ZNF615: variants seen among roughly 807,000 people sequenced by gnomAD.
The protein encoded by ZNF615 is zinc finger protein 615.
ZNF615 carries 15 observed loss-of-function variants against 15.3 expected under a neutral mutation model. The observed-to-expected ratio is 0.98, with a 90% CI of 0.66 to 1.51. ZNF615 has a LOEUF of 1.51. ZNF615 is among the 40% of genes most tolerant of loss of function. The pLI is 0.00. For missense variants in ZNF615, 848 were observed against 895.9 expected, an observed-to-expected ratio of 0.95 and a Z score of 0.68; for synonymous variants, 268 against 294.6, an observed-to-expected ratio of 0.91 and a Z score of 0.92.
In ZNF615 at chr19:51,993,874, G is replaced by T; in HGVS notation, c.1235C>A (p.Thr412Lys). ...AAAGCCTTTTCCACATTCACTACATGTATATAATTTCTCTCCTGTATGAGT... is the reference window on the plus strand; with the variant it reads ...AAAGCCTTTTCCACATTCACTACATTTATATAATTTCTCTCCTGTATGAGT... The part of the protein sequence containing the change: ...QQTHTGEKLY[T>K]CSECGKGFSM... The change falls in exon 7 of 7, where the codon ACA becomes AAA. Residue 412 changes from threonine to lysine, a missense_variant. Coordinates refer to ENST00000598071, the MANE Select transcript of ZNF615 (RefSeq NM_001199324.2). 1.2e-6 allele frequency: 2 copies of T among 1,613,870 alleles called. No individual in the cohort carries two copies. Among genetic ancestry groups the T allele is most frequent in the Non-Finnish European group, 1.7e-6 (2 of 1,179,952 alleles).
At position 51,992,089 on chromosome 19, in the gene ZNF615, A is replaced by G. The variant is rs1384588561; in HGVS notation, c.*791T>C. On this transcript the variant is annotated 3_prime_UTR_variant, in exon 7 of 7. Transcript: ENST00000598071. ...TATACTGTATCCAGTTTCATTCTGAAGTACTTTAGTTATTCTGAAATAACA... is the reference window on the plus strand; with the variant it reads ...TATACTGTATCCAGTTTCATTCTGAGGTACTTTAGTTATTCTGAAATAACA... 2 of 152,246 alleles carry G rather than the reference A, an allele frequency of 1.3e-5. No homozygotes were observed. Among genetic ancestry groups the G allele is most frequent in the African/African-American group, 4.8e-5 (2 of 41,462 alleles). 9.4% of individuals were successfully genotyped at this position (152,246 alleles called of 1,614,324 possible). A position where few individuals can be genotyped will look rare whatever the true frequency, so the allele number is the denominator to read the frequency against.
chr19:52,004,678 C>A (rs1600016944), intron 2 of ZNF615: 2 of 152,024 alleles, frequency 1.3e-5, no homozygotes, highest in Admixed American at 6.6e-5. Context: ...CAGGCATGAG[C>A]CACTGCACCC....
Position 51,993,646 on chromosome 19 carries a change from G to A in ZNF615, c.1463C>T (p.Thr488Ile). The change falls in exon 7 of 7, where the codon ACT becomes ATT. Residue 488 changes from threonine (T) to isoleucine (I), a missense_variant. Physicochemically the swap from Thr to Ile is moderately conservative, Grantham distance 89. Coordinates refer to ENST00000598071, the MANE Select transcript of ZNF615 (RefSeq NM_001199324.2). ...MKSDLIVHQR[T>I]HTAEKPYICN... ...TATATATGGCTTCTCTGCAGTATGA[G>A]TTCGCTGATGTACAATGAGGTCACT... The A allele has an allele frequency of 6.2e-7, 1 of 1,614,024 alleles. No individual in the cohort carries two copies. The highest frequency in any genetic ancestry group is 8.5e-7 in the Non-Finnish European group (1 of 1,180,008).
intron 1 of ZNF615, 79 bp from the exon 2 acceptor site, chr19:52,007,409 A>G: frequency 3.4e-6 from 3 of 870,924 alleles, no homozygotes; most frequent in Non-Finnish European, 4.8e-6. Context: ...TATAAAACAT[A>G]CTACTTTTAG....
rs2086678047 is a variant in ZNF615, at chr19:52,003,968, C to A, written c.-189-68G>T. On this transcript the variant is annotated intron_variant, in intron 2 of 6. Coordinates refer to ENST00000598071, the MANE Select transcript of ZNF615 (RefSeq NM_001199324.2). ...CAGATGTTGTCACTGTTCCTATATGCTCACCTTAAATCAAGGCCCCCAAAT... is the reference window on the plus strand; with the variant it reads ...CAGATGTTGTCACTGTTCCTATATGATCACCTTAAATCAAGGCCCCCAAAT... 3 of 1,159,072 alleles carry A rather than the reference C, an allele frequency of 2.6e-6. No homozygotes were observed. The African/African-American group carries it at 4.7e-5, about 18-fold the overall frequency. The allele number at this position is 1,159,072 out of a possible 1,614,324, so 71.8% of individuals were successfully genotyped here.
Position 51,992,951 on chromosome 19 carries a change from C to T in ZNF615, c.2158G>A (p.Gly720Arg), listed in dbSNP as rs866110883. 6.2e-7 allele frequency: 1 copy of T among 1,614,182 alleles called. No homozygotes were observed. The highest frequency in any genetic ancestry group is 2.2e-5 in the East Asian group (1 of 44,876). ...QRKHTGERPY[G>R]CSDCGKAFAH... The stretch of plus-strand genomic sequence containing the variant: ...AAAGCTTTCCCACAATCACTACATC[C>T]ATAGGGCCTCTCTCCTGTATGTTTT... Residue 720 changes from glycine (G) to arginine (R), a missense_variant, in exon 7 of 7, where the codon GGA becomes AGA. Coordinates refer to ENST00000598071, the MANE Select transcript of ZNF615 (RefSeq NM_001199324.2).
chr19:51,994,380 A>C lies in ZNF615; in HGVS notation c.729T>G (p.His243Gln). ...AAGCTTTCCCACACATACTGCATAC[A>C]TGAGGTTTTTCTCCAGTGTGAACTC... ...HQRVHTGEKP[H>Q]VCSMCGKAFS... Residue 243 changes from histidine to glutamine, a missense_variant, in exon 7 of 7, where the codon CAT (histidine) becomes CAG (glutamine). His to Gln is a conservative substitution (Grantham distance 24). Coordinates refer to ENST00000598071, the MANE Select transcript of ZNF615 (RefSeq NM_001199324.2). The C allele has an allele frequency of 6.2e-7, 1 of 1,614,166 alleles. No homozygotes were observed. Among genetic ancestry groups the C allele is most frequent in the Non-Finnish European group, 8.5e-7 (1 of 1,180,022 alleles).
intron 6 of ZNF615, among the ~76,000 whole-genome samples, chr19:51,997,966 C>CT (rs11435773): frequency 0.39 from 59,718 of 152,014 alleles, 13,061 homozygotes; most frequent in African/African-American, 0.58. Context: ...TCTTTCTATA[C>CT]TTTTTATCTT....
At position 52,003,851 on chromosome 19, in the gene ZNF615, A is replaced by G; in HGVS notation, c.-140T>C. 6.8e-7 allele frequency: 1 copy of G among 1,479,110 alleles called. No individual in the cohort carries two copies. Among genetic ancestry groups the G allele is most frequent in the Non-Finnish European group, 9.0e-7 (1 of 1,117,072 alleles). 91.6% of individuals were successfully genotyped at this position (1,479,110 alleles called of 1,614,324 possible). On this transcript the variant is annotated 5_prime_UTR_variant, in exon 3 of 7. Coordinates refer to ENST00000598071, the MANE Select transcript of ZNF615 (RefSeq NM_001199324.2). ...AAATGATGACACCCAAGTCTTGGAA[A>G]CTCCGCCTCCTTCCTTCACTTGATT...
chr19:52,004,019 T>C, intron 2 of ZNF615, 119 bp from the exon 3 acceptor site: 1 of 569,566 alleles, frequency 1.8e-6, no homozygotes, highest in South Asian at 6.9e-5. Context: ...TATTTAGTGC[T>C]CCAGAAGCTT....
intron 6 of ZNF615, among the ~76,000 whole-genome samples, chr19:51,997,856 C>T (rs1184574464): frequency 6.6e-6 from 1 of 152,200 alleles, no homozygotes; most frequent in South Asian, 2.1e-4. Context: ...AATAACTTCA[C>T]ATGTGTTGAC....
At position 51,993,818 on chromosome 19, in the gene ZNF615, G is replaced by A. The variant is rs773450930; in HGVS notation, c.1291C>T (p.Arg431Ter). 48 of 1,614,158 alleles carry A rather than the reference G, an allele frequency of 3.0e-5. No individual in the cohort carries two copies. The highest frequency in any genetic ancestry group is 1.1e-4 in the East Asian group (5 of 44,884). The change falls in exon 7 of 7, where the codon CGA becomes TGA. Residue 431 changes from arginine (R) to a stop codon, truncating the protein, a stop_gained. Transcript: ENST00000598071. LOFTEE classifies it low-confidence loss of function (END_TRUNC). ...TAAGGTTTCTCTCCAGTATGAGTTC[G>A]TTGATGTACCATGAGACAGTGCTTC... Reference protein sequence around the residue: ...SMKHCLMVHQRTHTGEKPYKC... With the variant: ...SMKHCLMVHQ
At chr19:52,001,372 C>T (rs1301897818) in intron 5 of ZNF615, among the ~76,000 whole-genome samples, 1 of 152,062 alleles carries the variant, frequency 6.6e-6, no homozygotes, top group Admixed American at 6.5e-5. Flanking sequence ...GTAATCTCAG[C>T]ACTTTGGGAG....
At chr19:52,000,409 AT>A in intron 5 of ZNF615, 31 bp from the exon 6 acceptor site, 1 of 615,514 alleles carries the variant, frequency 1.6e-6, no homozygotes, top group East Asian at 2.8e-5. Context: ...ATAAAATAAA[AT>A]TAAAAAAATA....
chr19:51,993,571 T>C lies in ZNF615; in HGVS notation c.1538A>G (p.His513Arg). 2.5e-6 allele frequency: 4 copies of C among 1,614,182 alleles called. No individual in the cohort carries two copies. The highest frequency in any genetic ancestry group is 3.4e-6 in the Non-Finnish European group (4 of 1,180,028). ...TTTTTCTCCAGTATGAGTTCGCTGATGCACAATAAGGCGGCTCTTCACAGT... is the reference window on the plus strand; with the variant it reads ...TTTTTCTCCAGTATGAGTTCGCTGACGCACAATAAGGCGGCTCTTCACAGT... ...GFTVKSRLIV[H>R]QRTHTGEKPY... is the part of the protein sequence containing the mutation. The change falls in exon 7 of 7, where the codon CAT becomes CGT. Residue 513 changes from histidine (H) to arginine (R), a missense_variant. Transcript: ENST00000598071.
At chr19:52,000,142 T>G (rs2086548511) in intron 6 of ZNF615, 1 of 398,842 alleles carries the variant, frequency 2.5e-6, no homozygotes. Flanking sequence ...AAATACTGTG[T>G]ATTCTCACTT....
chr19:52,001,835 T>C lies in ZNF615; in HGVS notation c.216A>G (p.Glu72=), dbSNP rs552494717. ...RGEETCTTED[E]IYSRICSDSG... is the part of the protein sequence containing the mutation. ...CACCAGAACAGATTCGAGAGTAGAT[T>C]TCATCTTCTGTTGTGCAAGTTTCTT... Residue 72 remains glutamate, a synonymous_variant, in exon 5 of 7, where the codon GAA becomes GAG. Transcript: ENST00000598071. 1.2e-6 allele frequency: 2 copies of C among 1,614,002 alleles called. No homozygotes were observed. The highest frequency in any genetic ancestry group is 2.7e-5 in the African/African-American group (2 of 74,902).
At chr19:52,000,078 T>C (rs1002838628) in intron 6 of ZNF615, 1 of 343,192 alleles carries the variant, frequency 2.9e-6, no homozygotes, top group African/African-American at 2.1e-5. Flanking sequence ...TGCAGCAACA[T>C]GGATGCAGCT....
chr19:52,005,961 C>T (rs571637826), intron 2 of ZNF615, among the ~76,000 whole-genome samples: 6 of 152,194 alleles, frequency 3.9e-5, no homozygotes, highest in Admixed American at 1.3e-4. Context: ...ATATACAGAT[C>T]GAGTCAGTAT....
Sources: allele counts gnomAD v4.1 joint callset (sites outside exome capture counted in the v4.1 genomes callset), GRCh38; gene constraint gnomAD v4.1.1; transcripts MANE v1.5; gene names NCBI Gene and HGNC (gene_info 2026-07-23, HGNC 2026-07-21).